The following CNR1 variants were observed in gnomAD, a reference collection of about 807,000 sequenced individuals.
The protein encoded by CNR1 is cannabinoid receptor 1.
CNR1 carries 10 observed loss-of-function variants against 23.0 expected under a neutral mutation model. The ratio of observed to expected loss-of-function variants is 0.43; its 90% CI spans 0.27 to 0.74. The LOEUF (loss-of-function observed/expected upper bound fraction) is 0.74, where lower values mean the gene tolerates loss of function less well. Among genes scored for constraint, CNR1 ranks in the 30% least tolerant of loss-of-function variants. CNR1 has a pLI of 0.19. For synonymous variants in CNR1, 271 were observed against 255.2 expected (o/e 1.06, Z -0.59); for missense variants, 422 against 618.8 (o/e 0.68, Z 3.37).
At chr6:88,164,570 G>A (rs982067491) in intron 1 of CNR1, among the ~76,000 whole-genome samples, 5 of 152,172 alleles carry the variant, frequency 3.3e-5, no homozygotes, top group Admixed American at 2.0e-4. Flanking sequence ...GTTAGAGAGC[G>A]GGGGAGGGGG....
At chr6:88,148,669 G>A (rs898090811) in intron 1 of CNR1, among the ~76,000 whole-genome samples, 4 of 152,144 alleles carry the variant, frequency 2.6e-5, no homozygotes, top group Non-Finnish European at 4.4e-5. Context: ...TTTAAATGAA[G>A]CTGCCTATAT....
At chr6:88,166,755 C>G (rs1436213892), upstream of CNR1, among the ~76,000 whole-genome samples, 1 of 152,006 alleles carries the variant, frequency 6.6e-6, no homozygotes, top group Non-Finnish European at 1.5e-5. Flanking sequence ...TCGCCAACAC[C>G]TTCCGCGGGG....
At chr6:88,156,070 G>A (rs1376009786) in intron 1 of CNR1, among the ~76,000 whole-genome samples, 1 of 152,132 alleles carries the variant, frequency 6.6e-6, no homozygotes, top group Admixed American at 6.5e-5. Context: ...TCTTAGACCA[G>A]GGAGAAGAAG....
At chr6:88,146,231 G>C (rs1411179706) in intron 1 of CNR1, among the ~76,000 whole-genome samples, 1 of 152,056 alleles carries the variant, frequency 6.6e-6, no homozygotes, top group Non-Finnish European at 1.5e-5. Flanking sequence ...TCAGCCTCTT[G>C]AGTAGCTGGG....
intron 1 of CNR1, among the ~76,000 whole-genome samples, chr6:88,147,145 T>A (rs1318079881): frequency 1.3e-5 from 2 of 151,916 alleles, no homozygotes; most frequent in Non-Finnish European, 2.9e-5. Flanking sequence ...AAAAAGAAAT[T>A]TAAAAAAATT....
At chr6:88,152,234 A>G (rs897151452) in intron 1 of CNR1, among the ~76,000 whole-genome samples, 2 of 143,996 alleles carry the variant, frequency 1.4e-5, no homozygotes, top group African/African-American at 2.7e-5. Flanking sequence ...AAAAAAAAAA[A>G]AAGAAATGTA....
chr6:88,145,848 A>G (rs1777151948), intron 1 of CNR1, among the ~76,000 whole-genome samples: 1 of 152,214 alleles, frequency 6.6e-6, no homozygotes, highest in Non-Finnish European at 1.5e-5. Context: ...AGAATAAGAC[A>G]GTGTAGAATC....
At chr6:88,166,525 C>T (rs1010071293), upstream of CNR1, among the ~76,000 whole-genome samples, 6 of 152,110 alleles carry the variant, frequency 3.9e-5, no homozygotes, top group South Asian at 1.2e-3. Context: ...CCCGCCGCGG[C>T]GCCAGCCCTG....
chr6:88,151,448 G>A (rs1490387923), intron 1 of CNR1, among the ~76,000 whole-genome samples: 1 of 152,108 alleles, frequency 6.6e-6, no homozygotes, highest in African/African-American at 2.4e-5. Context: ...ATGGTACTTG[G>A]GCAATCAGTC....
intron 1 of CNR1, among the ~76,000 whole-genome samples, chr6:88,155,738 A>G (rs907870687): frequency 6.6e-6 from 1 of 152,204 alleles, no homozygotes; most frequent in Non-Finnish European, 1.5e-5. Context: ...AATTAACTAT[A>G]AGGTATAAAT....
intron 1 of CNR1, among the ~76,000 whole-genome samples, chr6:88,146,196 C>T (rs1414474316): frequency 6.6e-6 from 1 of 152,088 alleles, no homozygotes; most frequent in Non-Finnish European, 1.5e-5. Context: ...GCCTCCACCT[C>T]CCCAGTTCAA....
intron 1 of CNR1, among the ~76,000 whole-genome samples, chr6:88,152,980 A>G (rs915394026): frequency 1.9e-4 from 29 of 152,230 alleles, no homozygotes; most frequent in Non-Finnish European, 4.4e-5. Flanking sequence ...TTATAGTAAA[A>G]GAATGATTGA....
intron 1 of CNR1, among the ~76,000 whole-genome samples, chr6:88,160,435 C>CTT (rs1220920560): frequency 6.7e-5 from 9 of 135,172 alleles, no homozygotes; most frequent in African/African-American, 8.2e-5. Context: ...TTTTTCTTTT[C>CTT]TTTTTTTTTT....
At chr6:88,155,166 T>G (rs1462691291) in intron 1 of CNR1, among the ~76,000 whole-genome samples, 5 of 152,184 alleles carry the variant, frequency 3.3e-5, no homozygotes, top group African/African-American at 1.2e-4. Flanking sequence ...CAGTTTCTTC[T>G]CTCTTCATCT....
At chr6:88,162,675 C>A (rs1778166288) in intron 1 of CNR1, among the ~76,000 whole-genome samples, 1 of 152,168 alleles carries the variant, frequency 6.6e-6, no homozygotes, top group African/African-American at 2.4e-5. Context: ...TTTGGCAACA[C>A]AAAGTATATA....
intron 1 of CNR1, among the ~76,000 whole-genome samples, chr6:88,150,560 C>T (rs1358415950): frequency 6.6e-6 from 1 of 152,152 alleles, no homozygotes. Flanking sequence ...ATTCAGCTGC[C>T]TTAAGGATCT....
chr6:88,154,659 ACCT>A (rs994694232), intron 1 of CNR1, among the ~76,000 whole-genome samples: 29 of 152,002 alleles, frequency 1.9e-4, no homozygotes. Context: ...GATCACTGCA[ACCT>A]CCACCTCCCG....
Position 88,144,802 on chromosome 6 carries a change from C to T in CNR1, c.473G>A (p.Ser158Asn). The change falls in exon 2 of 2, where the codon AGC (serine) becomes AAC (asparagine). Residue 158 changes from serine to asparagine, a missense_variant. Ser to Asn is a conservative substitution (Grantham distance 46). This residue lies in a region of CNR1 where 211 missense variants were observed against 357.3 expected (regional missense o/e 0.59). Transcript: ENST00000369501. This position sits in a 1 kb window ranked among gnomAD's most constrained non-coding sequence, Gnocchi z 7.8. Reference sequence around the variant, plus strand: ...CCCCAGGAGGTCTGCCACCGCCAGGCTGCCGATGAAGTGGTAGGAAGGCCT... The same window carrying T: ...CCCCAGGAGGTCTGCCACCGCCAGGTTGCCGATGAAGTGGTAGGAAGGCCT... ...RCRPSYHFIG[S>N]LAVADLLGSV... 6.2e-7 allele frequency: 1 copy of T among 1,614,192 alleles called. No homozygotes were observed. The highest frequency in any genetic ancestry group is 2.2e-5 in the East Asian group (1 of 44,884).
intron 1 of CNR1, among the ~76,000 whole-genome samples, chr6:88,155,892 A>G (rs560218701): frequency 6.6e-6 from 1 of 152,304 alleles, no homozygotes; most frequent in Admixed American, 6.5e-5. Flanking sequence ...AGGAATATAG[A>G]TGGTAATGAC....
Sources: gnomAD v4.1 joint callset for allele counts (sites outside exome capture counted in the v4.1 genomes callset) on GRCh38, gnomAD v4.1.1 for gene constraint, gnomAD v4.1.1 regional missense constraint, Gnocchi (gnomAD v3.1) non-coding constraint, MANE v1.5 for transcripts, NCBI Gene and HGNC (gene_info 2026-07-23, HGNC 2026-07-21) for gene names.